ROR1: variants seen among roughly 807,000 people sequenced by gnomAD.
The protein encoded by ROR1 is inactive tyrosine-protein kinase transmembrane receptor ROR1.
ROR1 carries 19 observed loss-of-function variants against 78.8 expected under a neutral mutation model. The ratio of observed to expected loss-of-function variants is 0.24; its 90% confidence interval spans 0.17 to 0.35. The LOEUF is 0.35. Ranked by LOEUF, ROR1 falls within the 10% of genes least tolerant of loss-of-function variation. ROR1 has a pLI of 1.00. For missense variants in ROR1, 917 were observed against 1,177.8 expected, an observed-to-expected ratio of 0.78 and a Z score of 3.24; for synonymous variants, 386 against 433.6, an observed-to-expected ratio of 0.89 and a Z score of 1.36.
chr1:63,842,483 T>C (rs777617286), intron 1 of ROR1, among the ~76,000 whole-genome samples: 1 of 152,148 alleles, frequency 6.6e-6, no homozygotes, highest in Non-Finnish European at 1.5e-5. Context: ...ATCTTTTATA[T>C]TGGGCAACAA....
chr1:63,973,146 A>T lies in ROR1; in HGVS notation c.92-36159A>T, dbSNP rs574463056. Among the ~76,000 whole-genome samples, 87 of 152,244 alleles carry T rather than the reference A, an allele frequency of 5.7e-4. 1 individual carries two copies. Among genetic ancestry groups the T allele is most frequent in the Non-Finnish European group, 1.3e-4 (9 of 68,004 alleles). Reference sequence around the variant, plus strand: ...TCCACCTCTTTGCCCCTGCCCTCCTAGCTTGTCTCCCGTTCTTTCCCTGCT... The same window carrying T: ...TCCACCTCTTTGCCCCTGCCCTCCTTGCTTGTCTCCCGTTCTTTCCCTGCT... On this transcript the variant is annotated intron_variant, in intron 1 of 8. Transcript: ENST00000371079.
At chr1:63,974,414 C>A (rs1162053727) in intron 1 of ROR1, among the ~76,000 whole-genome samples, 1 of 152,118 alleles carries the variant, frequency 6.6e-6, no homozygotes, top group East Asian at 1.9e-4. Context: ...TTACTCTAAT[C>A]TTTCTGAAGT....
chr1:64,037,261 T>G (rs1260817), intron 2 of ROR1, among the ~76,000 whole-genome samples: 110,492 of 152,022 alleles, frequency 0.73, 43,381 homozygotes, highest in East Asian at 0.96. Flanking sequence ...TTGCAGATAG[T>G]TTTCTACATC....
chr1:64,117,593 T>A (rs1648358851), intron 4 of ROR1, among the ~76,000 whole-genome samples: 1 of 152,160 alleles, frequency 6.6e-6, no homozygotes, highest in Admixed American at 6.5e-5. Flanking sequence ...CATGTAGGAT[T>A]TTGTAGCTCA....
At chr1:64,165,795 C>T (rs900132661) in intron 8 of ROR1, among the ~76,000 whole-genome samples, 3 of 150,002 alleles carry the variant, frequency 2.0e-5, no homozygotes, top group Non-Finnish European at 4.4e-5. Flanking sequence ...ACCTCCACCT[C>T]CTGGGTTTAA....
At chr1:63,981,704 A>G (rs1395246579) in intron 1 of ROR1, among the ~76,000 whole-genome samples, 3 of 152,086 alleles carry the variant, frequency 2.0e-5, no homozygotes, top group African/African-American at 4.8e-5. Flanking sequence ...TTGGGAAGGC[A>G]GGAGAAGAAG....
chr1:63,954,840 T>C (rs1645968377), intron 1 of ROR1, among the ~76,000 whole-genome samples: 1 of 152,180 alleles, frequency 6.6e-6, no homozygotes. Flanking sequence ...TTGGTATCTG[T>C]TGGGGGTCCT....
At chr1:64,138,811 T>C (rs975634303) in intron 5 of ROR1, among the ~76,000 whole-genome samples, 15 of 152,044 alleles carry the variant, frequency 9.9e-5, no homozygotes, top group Non-Finnish European at 2.2e-4. Flanking sequence ...TAAACACCCA[T>C]TTCAACCTAA....
intron 1 of ROR1, among the ~76,000 whole-genome samples, chr1:63,835,733 G>C (rs931519425): frequency 9.9e-5 from 15 of 152,208 alleles, no homozygotes; most frequent in African/African-American, 3.6e-4. Flanking sequence ...GAAGTAGATA[G>C]AAAGAGAATA....
chr1:63,847,974 A>G (rs1353231290), intron 1 of ROR1, among the ~76,000 whole-genome samples: 1 of 152,224 alleles, frequency 6.6e-6, no homozygotes, highest in Non-Finnish European at 1.5e-5. Context: ...AACAAAACTC[A>G]TGGAAAAGGT....
intron 1 of ROR1, among the ~76,000 whole-genome samples, chr1:63,937,129 C>T (rs1466452744): frequency 1.3e-5 from 2 of 152,208 alleles, no homozygotes; most frequent in African/African-American, 4.8e-5. Context: ...TTTTCGGCTT[C>T]CTTCACTTGA....
chr1:64,042,877 C>G (rs1330953244), intron 2 of ROR1, among the ~76,000 whole-genome samples: 1 of 152,198 alleles, frequency 6.6e-6, no homozygotes, highest in East Asian at 1.9e-4. Flanking sequence ...ATGTTCTCTC[C>G]AAGTCAAATG....
intron 1 of ROR1, among the ~76,000 whole-genome samples, chr1:63,983,720 T>A (rs114438505): frequency 0.01 from 1,593 of 152,268 alleles, 34 homozygotes; most frequent in African/African-American, 0.035. Context: ...AAGGACAATG[T>A]CCTCATTCTT....
intron 7 of ROR1, among the ~76,000 whole-genome samples, chr1:64,146,665 G>A (rs1269755856): frequency 6.6e-6 from 1 of 151,754 alleles, no homozygotes; most frequent in African/African-American, 2.4e-5. Flanking sequence ...ATTACGATTA[G>A]TTTAAGCAAG....
intron 1 of ROR1, among the ~76,000 whole-genome samples, chr1:63,961,256 C>T (rs1483880109): frequency 6.6e-6 from 1 of 152,098 alleles, no homozygotes; most frequent in Non-Finnish European, 1.5e-5. Context: ...ATTAGTACAG[C>T]CATTATGGAA....
intron 1 of ROR1, among the ~76,000 whole-genome samples, chr1:63,952,137 T>A (rs1645944911): frequency 6.6e-6 from 1 of 152,094 alleles, no homozygotes; most frequent in African/African-American, 2.4e-5. Context: ...TGGTAAAGTG[T>A]AGCTGTTTTG....
chr1:63,842,680 T>G (rs891694644), intron 1 of ROR1, among the ~76,000 whole-genome samples: 2 of 151,676 alleles, frequency 1.3e-5, no homozygotes, highest in African/African-American at 4.8e-5. Context: ...CCTTTGCTCC[T>G]TCTTTTTTTT....
chr1:63,961,690 A>AG (rs1321805858), intron 1 of ROR1, among the ~76,000 whole-genome samples: 2 of 152,176 alleles, frequency 1.3e-5, no homozygotes, highest in Non-Finnish European at 2.9e-5. Context: ...TGGGAAGGGT[A>AG]GGGGAGAGTG....
chr1:63,927,962 T>G (rs868809171), intron 1 of ROR1, among the ~76,000 whole-genome samples: 1 of 147,310 alleles, frequency 6.8e-6, no homozygotes, highest in Non-Finnish European at 1.5e-5. Flanking sequence ...GGGTTCCCTT[T>G]TTTTTTTTTT....
Sources: gnomAD v4.1 joint callset for allele counts (sites outside exome capture counted in the v4.1 genomes callset) on GRCh38, gnomAD v4.1.1 for gene constraint, MANE v1.5 for transcripts, NCBI Gene and HGNC (gene_info 2026-07-23, HGNC 2026-07-21) for gene names.